The following BAZ2B variants were observed in gnomAD, a reference collection of about 807,000 sequenced individuals.
The protein encoded by BAZ2B is bromodomain adjacent to zinc finger domain 2B, also known as bromodomain adjacent to zinc finger domain protein 2B.
A neutral mutation model predicts 246.0 loss-of-function variants in BAZ2B; 91 were observed. The observed-to-expected ratio is 0.37, with a 90% CI of 0.31 to 0.44. BAZ2B has a LOEUF of 0.44. BAZ2B is among the 20% of genes least tolerant of loss of function. The probability of loss-of-function intolerance (pLI) is 1.00; values close to 1 mark genes in which losing one functional copy is unlikely to be tolerated. For missense variants in BAZ2B, 2,332 were observed against 2,533.7 expected, an observed-to-expected ratio of 0.92 and a Z score of 1.71; for synonymous variants, 855 against 860.0, an observed-to-expected ratio of 0.99 and a Z score of 0.10.
intron 1 of BAZ2B, among the ~76,000 whole-genome samples, chr2:159,576,174 C>T (rs1212666444): frequency 6.6e-6 from 1 of 152,122 alleles, no homozygotes; most frequent in East Asian, 1.9e-4. Context: ...TATACACTAG[C>T]TTTGTAATCT....
the BAZ2B span, among the ~76,000 whole-genome samples, chr2:159,626,968 A>C: frequency 1.3e-5 from 2 of 152,196 alleles, no homozygotes; most frequent in Non-Finnish European, 2.9e-5. Flanking sequence ...GGACGCAATA[A>C]AAAATGATGA....
chr2:159,455,495 A>T (rs1468613732), intron 3 of BAZ2B, among the ~76,000 whole-genome samples: 1 of 152,132 alleles, frequency 6.6e-6, no homozygotes, highest in Non-Finnish European at 1.5e-5. Context: ...CAGTAACTAG[A>T]TCTCACAGGG....
At chr2:159,347,763 A>G in intron 30 of BAZ2B, 117 bp from the exon 31 acceptor site, 1 of 815,438 alleles carries the variant, frequency 1.2e-6, no homozygotes, top group Non-Finnish European at 1.9e-6. Flanking sequence ...CTTGACATAC[A>G]CAAATGCACT....
At chr2:159,694,920 A>G in the BAZ2B span, 2 of 152,174 alleles carry the variant, frequency 1.3e-5, no homozygotes, top group Non-Finnish European at 2.9e-5. Context: ...CAGCTGTACC[A>G]TTTTACATTC....
intron 8 of BAZ2B, among the ~76,000 whole-genome samples, chr2:159,437,021 T>C (rs2072482829): frequency 6.6e-6 from 1 of 152,190 alleles, no homozygotes; most frequent in Admixed American, 6.5e-5. Context: ...ATGTCTAATT[T>C]TATCATCTGT....
intron 2 of BAZ2B, among the ~76,000 whole-genome samples, chr2:159,491,388 G>A: frequency 6.6e-6 from 1 of 152,128 alleles, no homozygotes; most frequent in Non-Finnish European, 1.5e-5. Flanking sequence ...TAATACTAGT[G>A]TTTGGGAGAA....
At chr2:159,621,620 T>C in the BAZ2B span, among the ~76,000 whole-genome samples, 2 of 152,082 alleles carry the variant, frequency 1.3e-5, no homozygotes, top group African/African-American at 4.8e-5. Context: ...CATATGGAAA[T>C]TTAGTATAGA....
intron 25 of BAZ2B, among the ~76,000 whole-genome samples, chr2:159,379,713 C>T (rs965285248): frequency 2.0e-5 from 3 of 152,096 alleles, no homozygotes; most frequent in Admixed American, 6.5e-5. Flanking sequence ...CACATTCCAT[C>T]GATAAATTCA....
At position 159,329,782 on chromosome 2, in the gene BAZ2B, C is replaced by T. The variant is rs376790382; in HGVS notation, c.5943+2758G>A. ...AAAAGCAGAAGCTTAGAAAGCTGTA[C>T]TCACATAGAAGGGCTTGAATGAGAT... On this transcript the variant is annotated intron_variant, in intron 34 of 36. Coordinates refer to ENST00000392783, the MANE Select transcript of BAZ2B (RefSeq NM_013450.4). Among the ~76,000 whole-genome samples, 9 of 152,292 alleles carry T rather than the reference C, an allele frequency of 5.9e-5. 1 individual carries two copies. In the South Asian group the frequency reaches 1.7e-3, roughly 28 times the overall value.
chr2:159,349,381 C>A (rs1475229786), intron 28 of BAZ2B, 101 bp from the exon 29 acceptor site: 6 of 1,217,862 alleles, frequency 4.9e-6, no homozygotes, highest in Admixed American at 2.9e-5. Flanking sequence ...AAAAAATATT[C>A]TTTCATTTAT....
chr2:159,316,335 T>TC (rs1263405469), downstream of BAZ2B, among the ~76,000 whole-genome samples: 1 of 152,150 alleles, frequency 6.6e-6, no homozygotes, highest in Non-Finnish European at 1.5e-5. Flanking sequence ...GAAGCAAGAT[T>TC]CCCAGCAGAT....
intron 28 of BAZ2B, 135 bp from the exon 29 acceptor site, chr2:159,349,415 C>G (rs1463796760): frequency 1.1e-5 from 11 of 980,140 alleles, no homozygotes; most frequent in Non-Finnish European, 1.6e-5. Flanking sequence ...AAACAAAATA[C>G]ATTAGCAACA....
chr2:159,360,438 C>T (rs2059561472), intron 27 of BAZ2B, among the ~76,000 whole-genome samples: 1 of 152,128 alleles, frequency 6.6e-6, no homozygotes, highest in South Asian at 2.1e-4. Flanking sequence ...TAAACCACTG[C>T]TCAAGGAAAT....
In BAZ2B at chr2:159,324,818, T is replaced by A. The variant is rs2063230889; in HGVS notation, c.6346A>T (p.Ser2116Cys). 1.1e-5 allele frequency: 17 copies of A among 1,499,766 alleles called. No homozygotes were observed. Among genetic ancestry groups the A allele is most frequent in the Non-Finnish European group, 1.5e-5 (17 of 1,130,916 alleles). The allele number at this position is 1,499,766 out of a possible 1,614,324, so 92.9% of individuals were successfully genotyped here. The change falls in exon 36 of 37, where the codon AGT becomes TGT. Residue 2116 changes from serine (S) to cysteine (C), a missense_variant. Around this residue, in one of 9 missense-constraint regions of BAZ2B, gnomAD observed 210 missense variants for 232.5 expected, o/e 0.90. Transcript: ENST00000392783. Reference sequence around the variant, plus strand: ...CTGAAATGATTTACTTACTGTCCACTACTTAGTTTCTCTCTAATTGTGGAA... The same window carrying A: ...CTGAAATGATTTACTTACTGTCCACAACTTAGTTTCTCTCTAATTGTGGAA... ...DFSTIREKLSSGQYPNLETFA... is the reference protein window; with the variant it reads ...DFSTIREKLSCGQYPNLETFA...
intron 27 of BAZ2B, among the ~76,000 whole-genome samples, chr2:159,366,518 A>G (rs2060231809): frequency 6.6e-6 from 1 of 152,200 alleles, no homozygotes; most frequent in Admixed American, 6.5e-5. Flanking sequence ...ATTAGAGCCT[A>G]TCTGCAGGTG....
At chr2:159,404,792 A>G (rs1223143725) in intron 16 of BAZ2B, 57 bp downstream of exon 16, 2 of 1,432,674 alleles carry the variant, frequency 1.4e-6, no homozygotes, top group South Asian at 2.4e-5. Context: ...TACATTACTA[A>G]CAAATCCTCA....
chr2:159,607,006 G>A (rs575371454), intron 1 of BAZ2B, among the ~76,000 whole-genome samples: 21 of 143,602 alleles, frequency 1.5e-4, no homozygotes, highest in Admixed American at 2.9e-4. Flanking sequence ...TGCAACCTCC[G>A]CCTCAAAAAA....
intron 23 of BAZ2B, 108 bp downstream of exon 23, chr2:159,385,047 T>G: frequency 1.8e-6 from 2 of 1,102,336 alleles, no homozygotes; most frequent in Non-Finnish European, 2.6e-6. Context: ...AATTTTCTTC[T>G]TTGTGCTAGT....
intron 6 of BAZ2B, among the ~76,000 whole-genome samples, chr2:159,442,434 T>C (rs1459806731): frequency 2.6e-5 from 4 of 152,220 alleles, no homozygotes; most frequent in African/African-American, 9.7e-5. Flanking sequence ...AAGGACTTTA[T>C]TCCCACTGGG....
Sources: allele counts gnomAD v4.1 joint callset (sites outside exome capture counted in the v4.1 genomes callset), GRCh38; gene constraint gnomAD v4.1.1; regional missense constraint gnomAD v4.1.1; transcripts MANE v1.5; gene names NCBI Gene and HGNC (gene_info 2026-07-23, HGNC 2026-07-21).